BIVM: variants seen among roughly 807,000 people sequenced by gnomAD.
The protein encoded by BIVM is basic, immunoglobulin-like variable motif containing.
A neutral mutation model predicts 61.4 loss-of-function variants in BIVM; 31 were observed. That is an observed-to-expected ratio of 0.51 (90% CI 0.38 to 0.68). The LOEUF (loss-of-function observed/expected upper bound fraction) is 0.68. BIVM is among the 30% of genes least tolerant of loss of function. The probability of loss-of-function intolerance (pLI) is 0.00; values close to 1 mark genes in which losing one functional copy is unlikely to be tolerated. For synonymous variants in BIVM, 189 were observed against 210.7 expected, an observed-to-expected ratio of 0.90 and a Z score of 0.89; for missense variants, 526 against 596.0, an observed-to-expected ratio of 0.88 and a Z score of 1.22.
chr13:102,820,905 G>A, intron 4 of BIVM, 132 bp from the exon 5 acceptor site: 1 of 774,232 alleles, frequency 1.3e-6, no homozygotes, highest in Non-Finnish European at 2.1e-6. Context: ...AGTGAATATG[G>A]AAGATTTTAC....
chr13:102,834,870 T>C (rs368578291), intron 9 of BIVM, among the ~76,000 whole-genome samples: 1 of 152,230 alleles, frequency 6.6e-6, no homozygotes, highest in Admixed American at 6.5e-5. Context: ...TCCTCCATTG[T>C]GTCATGTGTA....
chr13:102,806,079 G>A (rs1879056121), intron 2 of BIVM, among the ~76,000 whole-genome samples: 1 of 152,128 alleles, frequency 6.6e-6, no homozygotes, highest in Admixed American at 6.6e-5. Flanking sequence ...AAAGCAACTG[G>A]ACCATTTTAC....
At chr13:102,829,652 A>G (rs61966041) in intron 7 of BIVM, among the ~76,000 whole-genome samples, 44,196 of 151,714 alleles carry the variant, frequency 0.29, 6,643 homozygotes, top group Admixed American at 0.37. Context: ...CAGCCTGGCC[A>G]ACATAGTGAA....
chr13:102,825,068 G>A (rs1266476929), intron 7 of BIVM, among the ~76,000 whole-genome samples: 1 of 151,730 alleles, frequency 6.6e-6, no homozygotes, highest in Non-Finnish European at 1.5e-5. Flanking sequence ...TCAGCCTCCC[G>A]AGTAGCTGGG....
chr13:102,817,683 C>A (rs1442800723), intron 4 of BIVM, among the ~76,000 whole-genome samples: 1 of 149,454 alleles, frequency 6.7e-6, no homozygotes, highest in East Asian at 1.9e-4. Context: ...TTCAAAATTC[C>A]AATTTTTTTT....
At chr13:102,808,687 G>T (rs1422414717) in intron 3 of BIVM, among the ~76,000 whole-genome samples, 2 of 152,114 alleles carry the variant, frequency 1.3e-5, no homozygotes, top group Non-Finnish European at 2.9e-5. Context: ...TCTAAGAAAA[G>T]TTGGGAAGTG....
intron 1 of BIVM, chr13:102,800,510 C>T (rs1878685203): frequency 6.6e-6 from 1 of 152,148 alleles, no homozygotes; most frequent in Non-Finnish European, 1.5e-5. Flanking sequence ...TCCTCTCTGC[C>T]CGCGTCGCCT....
At chr13:102,805,708 G>A (rs1879023335) in intron 2 of BIVM, among the ~76,000 whole-genome samples, 1 of 152,146 alleles carries the variant, frequency 6.6e-6, no homozygotes, top group South Asian at 2.1e-4. Flanking sequence ...CTTTCTGTCT[G>A]CATAGATTTG....
intron 7 of BIVM, among the ~76,000 whole-genome samples, chr13:102,830,967 T>G (rs983426062): frequency 6.6e-5 from 10 of 152,202 alleles, no homozygotes; most frequent in African/African-American, 2.4e-4. Context: ...CGTTTTTACT[T>G]GGCTGTCTCA....
In BIVM at chr13:102,814,625, TGA is replaced by T. The variant is rs1329290755; in HGVS notation, c.479-1802_479-1801del. Among the ~76,000 whole-genome samples the T allele has an allele frequency of 7.3e-4, 111 of 152,334 alleles. No individual in the cohort carries two copies. In the East Asian group the frequency reaches 0.019, roughly 26 times the overall value. ...GTTAGAAACTAATTCTTCTGTTATCTGACTCTGTAAGAGTCATTTTACCAGTC... is the reference window on the plus strand; with the variant it reads ...GTTAGAAACTAATTCTTCTGTTATCTCTCTGTAAGAGTCATTTTACCAGTC... On this transcript the variant is annotated intron_variant, in intron 3 of 10. Coordinates refer to ENST00000257336, the MANE Select transcript of BIVM (RefSeq NM_017693.4).
chr13:102,822,997 T>G (rs1489460221), intron 7 of BIVM, among the ~76,000 whole-genome samples: 1 of 152,094 alleles, frequency 6.6e-6, no homozygotes, highest in Non-Finnish European at 1.5e-5. Flanking sequence ...GGTATGGGGA[T>G]TCTTGCTAAA....
At chr13:102,801,245 A>AT (rs34160315) in intron 1 of BIVM, among the ~76,000 whole-genome samples, 4,399 of 142,348 alleles carry the variant, frequency 0.031, 164 homozygotes, top group East Asian at 0.094. Flanking sequence ...TTAGTAGTAA[A>AT]TTTTTTTTTT....
intron 7 of BIVM, among the ~76,000 whole-genome samples, chr13:102,829,659 T>C (rs1481605637): frequency 6.6e-6 from 1 of 151,850 alleles, no homozygotes; most frequent in Non-Finnish European, 1.5e-5. Flanking sequence ...GCCAACATAG[T>C]GAAACCCCGT....
intron 9 of BIVM, among the ~76,000 whole-genome samples, chr13:102,837,063 A>G (rs1566457422): frequency 6.6e-6 from 1 of 152,158 alleles, no homozygotes; most frequent in Non-Finnish European, 1.5e-5. Context: ...GGATCACTTC[A>G]GCTCAGGAGT....
intron 4 of BIVM, 65 bp downstream of exon 4, chr13:102,816,619 G>C: frequency 7.4e-7 from 1 of 1,359,088 alleles, no homozygotes; most frequent in South Asian, 1.9e-5. Context: ...CAATAACGTA[G>C]CAGTTTACAA....
Position 102,807,293 on chromosome 13 carries a change from G to A in BIVM, c.26G>A (p.Arg9Lys). Residue 9 changes from arginine (R) to lysine (K), a missense_variant, in exon 3 of 11, where the codon AGG becomes AAG. Transcript: ENST00000257336. This position sits in a 1 kb window ranked among gnomAD's most constrained non-coding sequence, Gnocchi z 4.0. ...ATGCCTAACGTTGCAGAAACAGAAAGGTCAAATGATTCTGGAAATGGTGAG... is the reference window on the plus strand; with the variant it reads ...ATGCCTAACGTTGCAGAAACAGAAAAGTCAAATGATTCTGGAAATGGTGAG... Reference protein sequence around the residue: MPNVAETERSNDSGNGEHK... With the variant: MPNVAETEKSNDSGNGEHK... The A allele has an allele frequency of 6.2e-7, 1 of 1,610,850 alleles. No homozygotes were observed.
At chr13:102,811,611 C>G (rs1879502599) in intron 3 of BIVM, among the ~76,000 whole-genome samples, 2 of 152,224 alleles carry the variant, frequency 1.3e-5, no homozygotes, top group African/African-American at 4.8e-5. Flanking sequence ...ACAACCTCCA[C>G]CTTCTGGGTT....
rs1402087526 is a variant in BIVM, at chr13:102,816,532, A to G, written c.583A>G (p.Lys195Glu). 13 of 1,586,390 alleles carry G rather than the reference A, an allele frequency of 8.2e-6. No individual in the cohort carries two copies. Among genetic ancestry groups the G allele is most frequent in the Non-Finnish European group, 1.1e-5 (13 of 1,170,516 alleles). The change falls in exon 4 of 11, where the codon AAA (lysine) becomes GAA (glutamate). Residue 195 changes from lysine to glutamate, a missense_variant. Physicochemically the swap from Lys to Glu is moderately conservative, Grantham distance 56. Transcript: ENST00000257336. Reference protein sequence around the residue: ...HSPLEDIKQRKVLDLRRWYCI... With the variant: ...HSPLEDIKQREVLDLRRWYCI... ...TCCTCTTGAAGATATTAAACAGCGG[A>G]AAGTATTAGACCTCAGACGATGGTG... is the stretch of plus-strand genomic sequence containing the variant.
Position 102,807,209 on chromosome 13 carries a change from C to T in BIVM, c.-59C>T, listed in dbSNP as rs928771215. On this transcript the variant is annotated 5_prime_UTR_variant, in exon 3 of 11. Transcript: ENST00000257336. This position sits in a 1 kb window ranked among gnomAD's most constrained non-coding sequence, Gnocchi z 4.0. ...GTAAACAATTGTCAAAGTTGTTTAT[C>T]AAGAAACAGATAGAGTTGCAACTTG... is the stretch of plus-strand genomic sequence containing the variant. The T allele has an allele frequency of 1.3e-6, 2 of 1,502,508 alleles. No homozygotes were observed. The highest frequency in any genetic ancestry group is 1.4e-5 in the African/African-American group (1 of 71,642). 93.1% of individuals were successfully genotyped at this position (1,502,508 alleles called of 1,614,324 possible). A position where few individuals can be genotyped will look rare whatever the true frequency, so the allele number is the denominator to read the frequency against.
Sources: gnomAD v4.1 joint callset for allele counts (sites outside exome capture counted in the v4.1 genomes callset) on GRCh38, gnomAD v4.1.1 for gene constraint, Gnocchi (gnomAD v3.1) non-coding constraint, MANE v1.5 for transcripts, NCBI Gene and HGNC (gene_info 2026-07-23, HGNC 2026-07-21) for gene names.